FSTL5: variants seen among roughly 807,000 people sequenced by gnomAD.
FSTL5 encodes follistatin like 5.
FSTL5 carries 62 observed loss-of-function variants against 89.1 expected under a neutral mutation model. The ratio of observed to expected loss-of-function variants is 0.70; its 90% CI spans 0.57 to 0.86. The LOEUF is 0.86. Among genes scored for constraint, FSTL5 ranks in the 40% least tolerant of loss-of-function variants. The pLI is 0.00. For synonymous variants in FSTL5, 383 were observed against 346.2 expected (o/e 1.11, Z -1.18); for missense variants, 1,057 against 1,001.6 (o/e 1.06, Z -0.75).
chr4:161,863,888 C>A (rs1731996368), intron 4 of FSTL5, among the ~76,000 whole-genome samples: 1 of 152,058 alleles, frequency 6.6e-6, no homozygotes. Flanking sequence ...GACAGGCTAA[C>A]AAATTTAGAG....
chr4:162,055,058 T>C (rs569639855), intron 2 of FSTL5, among the ~76,000 whole-genome samples: 45 of 151,890 alleles, frequency 3.0e-4, no homozygotes, highest in Non-Finnish European at 5.2e-4. Context: ...ATAGCATGTA[T>C]GAGATGGGCT....
intron 11 of FSTL5, among the ~76,000 whole-genome samples, chr4:161,502,716 A>C (rs2126487887): frequency 6.6e-6 from 1 of 151,930 alleles, no homozygotes; most frequent in South Asian, 2.1e-4. Context: ...AGTTTTATTT[A>C]GAATTTTTGC....
At chr4:161,621,890 C>A (rs554416484) in intron 7 of FSTL5, among the ~76,000 whole-genome samples, 52 of 150,568 alleles carry the variant, frequency 3.5e-4, no homozygotes, top group African/African-American at 1.2e-3. Flanking sequence ...CCCAGGTACT[C>A]GGGAGGCTGA....
At chr4:162,131,538 G>A (rs557326757) in intron 1 of FSTL5, among the ~76,000 whole-genome samples, 1 of 152,166 alleles carries the variant, frequency 6.6e-6, no homozygotes, top group African/African-American at 2.4e-5. Context: ...TGGATCTCTG[G>A]AGGATGTGGC....
At position 161,892,624 on chromosome 4, in the gene FSTL5, T is replaced by C. The variant is rs114346741; in HGVS notation, c.409+27780A>G. Among the ~76,000 whole-genome samples the C allele has an allele frequency of 2.4e-3, 361 of 152,166 alleles. 2 individuals are homozygous for C. The highest frequency in any genetic ancestry group is 8.4e-3 in the African/African-American group (351 of 41,590). The stretch of plus-strand genomic sequence containing the variant: ...AAACTTGAAGAATCAACTCCCAAAC[T>C]AACTCAAAGTATTCCATAAAAATTC... On this transcript the variant is annotated intron_variant, in intron 4 of 15. Transcript: ENST00000306100.
At chr4:161,883,842 C>CAGGCA (rs541025209) in intron 4 of FSTL5, among the ~76,000 whole-genome samples, 98 of 152,126 alleles carry the variant, frequency 6.4e-4, no homozygotes, top group Non-Finnish European at 1.0e-3. Context: ...AGTTTTCTGA[C>CAGGCA]AGGCAAGGAT....
rs1347021438 is a variant in FSTL5, at chr4:161,453,663, C to CA, written c.1841+1340dup. On this transcript the variant is annotated intron_variant, in intron 15 of 15. Coordinates refer to ENST00000306100, the MANE Select transcript of FSTL5 (RefSeq NM_020116.5). Reference sequence around the variant, plus strand: ...GAGGCTGGAGCACAAGGTGTGACCTCAGCTCACTGCAACCTCCACCTCTCA... The same window carrying CA: ...GAGGCTGGAGCACAAGGTGTGACCTCAAGCTCACTGCAACCTCCACCTCTCA... Among the ~76,000 whole-genome samples the CA allele has an allele frequency of 2.6e-5, 4 of 152,248 alleles. No homozygotes were observed. In the East Asian group the frequency reaches 7.7e-4, roughly 29 times the overall value.
chr4:161,399,848 C>T (rs1373785756), intron 15 of FSTL5, among the ~76,000 whole-genome samples: 2 of 152,020 alleles, frequency 1.3e-5, no homozygotes, highest in African/African-American at 4.8e-5. Context: ...ACAGTATGTA[C>T]TACAGTTAAT....
intron 2 of FSTL5, among the ~76,000 whole-genome samples, chr4:162,105,400 A>G (rs1731185292): frequency 6.6e-6 from 1 of 152,204 alleles, no homozygotes; most frequent in Non-Finnish European, 1.5e-5. Context: ...ATGACTAAGA[A>G]AGCATTTTTG....
chr4:161,937,268 A>G (rs1024133716), intron 3 of FSTL5, among the ~76,000 whole-genome samples: 4 of 152,168 alleles, frequency 2.6e-5, no homozygotes, highest in Non-Finnish European at 4.4e-5. Context: ...GGAGAAAAAA[A>G]TGTAAAACAA....
chr4:161,486,935 A>G (rs1729702531), intron 12 of FSTL5, among the ~76,000 whole-genome samples: 1 of 152,224 alleles, frequency 6.6e-6, no homozygotes. Context: ...ATGAAAAGAA[A>G]AGATTTTCCA....
At chr4:161,774,581 C>T (rs937943053) in intron 5 of FSTL5, among the ~76,000 whole-genome samples, 7 of 151,822 alleles carry the variant, frequency 4.6e-5, no homozygotes, top group Non-Finnish European at 1.0e-4. Context: ...TTTTTAAAAT[C>T]CAGTCCGTGG....
intron 3 of FSTL5, among the ~76,000 whole-genome samples, chr4:162,000,039 T>C (rs1258524439): frequency 6.6e-6 from 1 of 152,092 alleles, no homozygotes. Context: ...TAATCTGATA[T>C]ATTGGATTTG....
intron 6 of FSTL5, among the ~76,000 whole-genome samples, chr4:161,704,095 C>T (rs1415622010): frequency 1.3e-5 from 2 of 152,084 alleles, no homozygotes; most frequent in Non-Finnish European, 2.9e-5. Context: ...ACCTGCCTCC[C>T]ATTCTATTCA....
intron 5 of FSTL5, among the ~76,000 whole-genome samples, chr4:161,771,846 C>A (rs1174174736): frequency 6.6e-6 from 1 of 152,138 alleles, no homozygotes; most frequent in Admixed American, 6.6e-5. Context: ...CTTTGATATA[C>A]ATTTGCATTT....
intron 15 of FSTL5, among the ~76,000 whole-genome samples, chr4:161,454,150 A>C (rs1218721715): frequency 6.6e-6 from 1 of 152,222 alleles, no homozygotes; most frequent in Non-Finnish European, 1.5e-5. Flanking sequence ...AATTTAAATA[A>C]GGAAACAAAT....
At chr4:161,966,076 C>T (rs904516445) in intron 3 of FSTL5, among the ~76,000 whole-genome samples, 2 of 151,976 alleles carry the variant, frequency 1.3e-5, no homozygotes, top group Admixed American at 6.6e-5. Context: ...TTTCTTATTG[C>T]CACAAAGACA....
At chr4:161,925,581 GATA>G (rs545518596) in intron 3 of FSTL5, among the ~76,000 whole-genome samples, 39 of 151,906 alleles carry the variant, frequency 2.6e-4, no homozygotes, top group African/African-American at 7.0e-4. Context: ...ATAAAATGAA[GATA>G]ATAATAATTA....
chr4:161,976,059 A>C (rs1334301352), intron 3 of FSTL5, among the ~76,000 whole-genome samples: 4 of 144,976 alleles, frequency 2.8e-5, no homozygotes, highest in Non-Finnish European at 6.0e-5. Context: ...CGGATCTTGC[A>C]GTGAGCCGAG....
Sources: gnomAD v4.1 joint callset for allele counts (sites outside exome capture counted in the v4.1 genomes callset) on GRCh38, gnomAD v4.1.1 for gene constraint, MANE v1.5 for transcripts, NCBI Gene and HGNC (gene_info 2026-07-23, HGNC 2026-07-21) for gene names.